RNGTT: variants seen among roughly 807,000 people sequenced by gnomAD.
The protein encoded by RNGTT is mRNA-capping enzyme.
In RNGTT, 33 loss-of-function variants were observed where a neutral mutation model predicts 79.3. The observed-to-expected ratio is 0.42, with a 90% CI of 0.32 to 0.56. The LOEUF is 0.56. Ranked by LOEUF, RNGTT falls within the 20% of genes least tolerant of loss-of-function variation. The pLI is 0.17. For missense variants in RNGTT, 497 were observed against 739.1 expected (o/e 0.67, Z 3.80); for synonymous variants, 222 against 235.9 (o/e 0.94, Z 0.54).
chr6:88,898,263 T>G (rs1389413318), intron 6 of RNGTT, among the ~76,000 whole-genome samples: 1 of 152,182 alleles, frequency 6.6e-6, no homozygotes, highest in Non-Finnish European at 1.5e-5. Context: ...CTTTCCGTCC[T>G]TATTGAATTT....
intron 14 of RNGTT, among the ~76,000 whole-genome samples, chr6:88,638,601 C>G (rs117259490): frequency 1.3e-5 from 2 of 151,922 alleles, no homozygotes; most frequent in African/African-American, 4.8e-5. Flanking sequence ...AAAGTTTAGA[C>G]GAAAACAAAG....
At chr6:88,616,050 A>G (rs1772204979) in intron 14 of RNGTT, among the ~76,000 whole-genome samples, 1 of 152,086 alleles carries the variant, frequency 6.6e-6, no homozygotes, top group Non-Finnish European at 1.5e-5. Flanking sequence ...TTCTGTTTCT[A>G]TGATTTTGAC....
At chr6:88,828,871 A>G (rs1226770946) in intron 11 of RNGTT, among the ~76,000 whole-genome samples, 1 of 152,106 alleles carries the variant, frequency 6.6e-6, no homozygotes, top group African/African-American at 2.4e-5. Flanking sequence ...GAAGCCTCCA[A>G]GAAATATGGG....
intron 13 of RNGTT, among the ~76,000 whole-genome samples, chr6:88,689,423 G>A (rs112962368): frequency 3.9e-5 from 6 of 151,940 alleles, no homozygotes; most frequent in South Asian, 4.2e-4. Context: ...GCGAAACCCC[G>A]TCTCTACTAA....
intron 13 of RNGTT, among the ~76,000 whole-genome samples, chr6:88,695,174 A>C (rs1171796095): frequency 6.6e-6 from 1 of 152,230 alleles, no homozygotes; most frequent in Non-Finnish European, 1.5e-5. Flanking sequence ...ATGGATTTAC[A>C]TCAAACTAAA....
rs140585778 is a variant in RNGTT at position 88,781,686 on chromosome 6, G to A, written c.1339-11812C>T. On this transcript the variant is annotated intron_variant, in intron 12 of 15. Coordinates refer to ENST00000369485, the MANE Select transcript of RNGTT (RefSeq NM_003800.5). ...CCCAAATAAAAGTATGCCAGGCACT[G>A]GCTTATTCATTAGTACCCTAAAGGC... is the stretch of plus-strand genomic sequence containing the variant. 6.2e-4 allele frequency among the ~76,000 whole-genome samples: 94 copies of A among 152,164 alleles called. 1 individual carries two copies. Among genetic ancestry groups the A allele is most frequent in the African/African-American group, 2.2e-3 (91 of 41,452 alleles).
intron 2 of RNGTT, among the ~76,000 whole-genome samples, chr6:88,930,044 A>ATATGCATATACATGTATATGCATATG (rs1562045907): frequency 7.0e-6 from 1 of 143,652 alleles, no homozygotes; most frequent in Non-Finnish European, 1.5e-5. Flanking sequence ...ATATATGCAT[A>ATATGCATATACATGTATATGCATATG]TATACATATA....
At chr6:88,709,278 C>T (rs1378158882) in intron 13 of RNGTT, among the ~76,000 whole-genome samples, 1 of 150,882 alleles carries the variant, frequency 6.6e-6, no homozygotes, top group Non-Finnish European at 1.5e-5. Flanking sequence ...GCATTCCAGC[C>T]TGGGTGACAG....
At chr6:88,829,653 C>T (rs1049012681) in intron 11 of RNGTT, among the ~76,000 whole-genome samples, 9 of 133,296 alleles carry the variant, frequency 6.8e-5, no homozygotes, top group East Asian at 2.4e-4. Context: ...TGTGCAAAGA[C>T]ACACATAGGC....
chr6:88,621,540 C>G (rs897389832), intron 14 of RNGTT, among the ~76,000 whole-genome samples: 1 of 152,024 alleles, frequency 6.6e-6, no homozygotes, highest in African/African-American at 2.4e-5. Context: ...GGTTTTAAGA[C>G]TTAAATATCC....
At chr6:88,919,249 C>T (rs1418876837) in intron 4 of RNGTT, among the ~76,000 whole-genome samples, 1 of 152,106 alleles carries the variant, frequency 6.6e-6, no homozygotes, top group Non-Finnish European at 1.5e-5. Context: ...GGTAAGTAAG[C>T]CACAGTTTTT....
At chr6:88,644,770 G>A (rs1300856584) in intron 14 of RNGTT, among the ~76,000 whole-genome samples, 1 of 152,194 alleles carries the variant, frequency 6.6e-6, no homozygotes, top group Non-Finnish European at 1.5e-5. Flanking sequence ...TATCTCAATA[G>A]ATGCAGAAAA....
chr6:88,953,943 A>G (rs1046943009), intron 1 of RNGTT, among the ~76,000 whole-genome samples: 6 of 152,220 alleles, frequency 3.9e-5, no homozygotes, highest in African/African-American at 7.2e-5. Flanking sequence ...CCACTACAAG[A>G]AATGAAAGAC....
chr6:88,716,823 G>T (rs1283428517), intron 13 of RNGTT, among the ~76,000 whole-genome samples: 7 of 152,084 alleles, frequency 4.6e-5, no homozygotes, highest in African/African-American at 1.2e-4. Flanking sequence ...GTTGTGGGGT[G>T]GGGGGAGCAG....
At chr6:88,698,900 G>T (rs1036412406) in intron 13 of RNGTT, among the ~76,000 whole-genome samples, 5 of 152,172 alleles carry the variant, frequency 3.3e-5, no homozygotes, top group African/African-American at 1.2e-4. Flanking sequence ...GAGAAAGCAT[G>T]AGATGTCCAT....
intron 11 of RNGTT, among the ~76,000 whole-genome samples, chr6:88,818,976 TCA>T (rs1780415505): frequency 6.6e-6 from 1 of 152,194 alleles, no homozygotes; most frequent in Non-Finnish European, 1.5e-5. Flanking sequence ...TATATCCACA[TCA>T]CAGTTTCAAT....
chr6:88,736,933 G>A (rs1777307377), intron 13 of RNGTT, among the ~76,000 whole-genome samples: 1 of 152,192 alleles, frequency 6.6e-6, no homozygotes, highest in Non-Finnish European at 1.5e-5. Context: ...TAAAGGGCAA[G>A]GATGATTTCC....
chr6:88,641,175 C>T (rs1291227952), intron 14 of RNGTT, among the ~76,000 whole-genome samples: 2 of 151,894 alleles, frequency 1.3e-5, no homozygotes, highest in Non-Finnish European at 2.9e-5. Context: ...CCTGTCTCTA[C>T]TAAAAATACA....
intron 4 of RNGTT, among the ~76,000 whole-genome samples, chr6:88,926,286 T>G (rs377505460): frequency 6.6e-6 from 1 of 152,214 alleles, no homozygotes; most frequent in Non-Finnish European, 1.5e-5. Context: ...CTTTACCATA[T>G]GATTTAATGA....
Sources: gnomAD v4.1 joint callset for allele counts (sites outside exome capture counted in the v4.1 genomes callset) on GRCh38, gnomAD v4.1.1 for gene constraint, MANE v1.5 for transcripts, NCBI Gene and HGNC (gene_info 2026-07-23, HGNC 2026-07-21) for gene names.